The following PXN variants were observed in gnomAD, a reference collection of about 807,000 sequenced individuals.
PXN encodes testicular tissue protein Li 134.
PXN carries 61 observed loss-of-function variants against 103.6 expected under a neutral mutation model. The ratio of observed to expected loss-of-function variants is 0.59; its 90% CI spans 0.48 to 0.73. The LOEUF (loss-of-function observed/expected upper bound fraction) is 0.73. Ranked by LOEUF, PXN falls within the 30% of genes least tolerant of loss-of-function variation. PXN has a pLI of 0.00. For synonymous variants in PXN, 562 were observed against 607.8 expected (o/e 0.92, Z 1.11); for missense variants, 1,274 against 1,460.3 (o/e 0.87, Z 2.08).
Position 120,213,701 on chromosome 12 carries a change from G to A in PXN, c.2979+141C>T. 5 of 1,222,632 alleles carry A rather than the reference G, an allele frequency of 4.1e-6. No individual in the cohort carries two copies. In the South Asian group the frequency reaches 4.4e-5, roughly 11 times the overall value. The allele number at this position is 1,222,632 out of a possible 1,614,324, so 75.7% of individuals were successfully genotyped here. On this transcript the variant is annotated intron_variant, in intron 14 of 14. Coordinates refer to ENST00000637617, the MANE Select transcript of PXN (RefSeq NM_001385981.1). This position sits in a 1 kb window ranked among gnomAD's most constrained non-coding sequence, Gnocchi z 4.2. ...TGGCCCAGGACCTACTGGACTGGAGGAAGGAGATCCCCTGCCTGCTCCCCC... is the reference window on the plus strand; with the variant it reads ...TGGCCCAGGACCTACTGGACTGGAGAAAGGAGATCCCCTGCCTGCTCCCCC...
In PXN at chr12:120,258,849, C is replaced by G. The variant is rs145730906; in HGVS notation, c.13+6768G>C. Among the ~76,000 whole-genome samples the G allele has an allele frequency of 8.4e-3, 1,279 of 151,888 alleles. 18 individuals carry two copies. Among genetic ancestry groups the G allele is most frequent in the African/African-American group, 0.027 (1,109 of 41,390 alleles). ...CCGAGGTGGGTGGATCACCTGAGGT[C>G]GGGAGTTTGAGACCAGCCTGACCAG... On this transcript the variant is annotated intron_variant, in intron 1 of 14. Coordinates refer to ENST00000637617, the MANE Select transcript of PXN (RefSeq NM_001385981.1).
In PXN at chr12:120,217,011, G is replaced by A. The variant is rs771977317; in HGVS notation, c.1822C>T (p.Pro608Ser). 6.3e-7 allele frequency: 1 copy of A among 1,575,080 alleles called. No individual in the cohort carries two copies. The highest frequency in any genetic ancestry group is 8.6e-7 in the Non-Finnish European group (1 of 1,168,852). ...RLDPATLSRT[P>S]SQEQLIAELQ... ...TCCGCGATGAGCTGTTCCTGGGATG[G>A]GGTCCTGCTCAAGGTGGCAGGGTCC... The change falls in exon 8 of 15, where the codon CCA (proline) becomes TCA (serine). Residue 608 changes from proline to serine, a missense_variant. Coordinates refer to ENST00000637617, the MANE Select transcript of PXN (RefSeq NM_001385981.1). This position sits in a 1 kb window ranked among gnomAD's most constrained non-coding sequence, Gnocchi z 4.1.
chr12:120,248,919 C>T (rs956320185), intron 1 of PXN, among the ~76,000 whole-genome samples: 5 of 152,004 alleles, frequency 3.3e-5, no homozygotes, highest in Non-Finnish European at 7.4e-5. Flanking sequence ...GGTGGATCAC[C>T]TGAGGTCAGG....
At position 120,265,668 on chromosome 12, in the gene PXN, G is replaced by A; in HGVS notation, c.-39C>T. The A allele has an allele frequency of 1.4e-6, 2 of 1,452,986 alleles. No homozygotes were observed. Among genetic ancestry groups the A allele is most frequent in the African/African-American group, 1.5e-5 (1 of 67,756 alleles). 90.0% of individuals were successfully genotyped at this position (1,452,986 alleles called of 1,614,324 possible). ...GCGCCGGCTCAGGGTCGCGCTAGCT[G>A]CCCGTCCCGGGGCCGCTCGTCTATG... is the stretch of plus-strand genomic sequence containing the variant. On this transcript the variant is annotated 5_prime_UTR_variant, in exon 1 of 15. Transcript: ENST00000637617. The surrounding 1 kb of genome is among the most constrained non-coding windows in gnomAD (Gnocchi z 5.7).
At chr12:120,238,558 C>A (rs1427226150) in intron 1 of PXN, among the ~76,000 whole-genome samples, 1 of 152,216 alleles carries the variant, frequency 6.6e-6, no homozygotes, top group Admixed American at 6.5e-5. Flanking sequence ...CAAATCCAGC[C>A]CAGCAGAGCC....
At chr12:120,262,770 A>G (rs1184613587) in intron 1 of PXN, among the ~76,000 whole-genome samples, 3 of 152,194 alleles carry the variant, frequency 2.0e-5, no homozygotes, top group Admixed American at 6.5e-5. Flanking sequence ...AACTCTGTCC[A>G]GGAAACTCCG....
intron 1 of PXN, among the ~76,000 whole-genome samples, chr12:120,254,002 T>A (rs894843503): frequency 6.6e-6 from 1 of 152,146 alleles, no homozygotes; most frequent in African/African-American, 2.4e-5. Flanking sequence ...TGCCTCAGGC[T>A]CCCAAGTGGC....
chr12:120,255,949 CG>C (rs1469063277), intron 1 of PXN, among the ~76,000 whole-genome samples: 1 of 5,730 alleles, frequency 1.7e-4, no homozygotes, highest in African/African-American at 9.5e-4. Flanking sequence ...CTGCGGACTG[CG>C]GGGGGTTGGG....
rs1427255085 is a variant in PXN, at chr12:120,220,059, C to T, written c.864G>A (p.Pro288=). ...TSSSTVALSA[P]GLSSSAPSSY... ...AGGACGGAGCAGAGCTGGACAGCCC[C>T]GGGGCACTCAGAGCCACAGTGGAGG... is the stretch of plus-strand genomic sequence containing the variant. The change falls in exon 7 of 15, where the codon CCG becomes CCA. Residue 288 remains proline (P), a synonymous_variant. Coordinates refer to ENST00000637617, the MANE Select transcript of PXN (RefSeq NM_001385981.1). This position sits in a 1 kb window ranked among gnomAD's most constrained non-coding sequence, Gnocchi z 6.1. 7 of 1,416,196 alleles carry T rather than the reference C, an allele frequency of 4.9e-6. No homozygotes were observed. Among genetic ancestry groups the T allele is most frequent in the East Asian group, 2.3e-5 (1 of 43,374 alleles). The allele number at this position is 1,416,196 out of a possible 1,614,324, so 87.7% of individuals were successfully genotyped here. A position where few individuals can be genotyped will look rare whatever the true frequency, so the allele number is the denominator to read the frequency against.
rs1566359534 is a variant in PXN at position 120,215,580 on chromosome 12, C to CG, written c.2382dup (p.Gly795ArgfsTer40). 10 of 1,604,476 alleles carry CG rather than the reference C, an allele frequency of 6.2e-6. No individual in the cohort carries two copies. In the Admixed American group the frequency reaches 8.5e-5, roughly 14 times the overall value. On this transcript the variant is annotated frameshift_variant, in exon 10 of 15. Coordinates refer to ENST00000637617, the MANE Select transcript of PXN (RefSeq NM_001385981.1). LOFTEE classifies it high-confidence loss of function. This position sits in a 1 kb window ranked among gnomAD's most constrained non-coding sequence, Gnocchi z 4.9. Reference sequence around the variant, plus strand: ...CTGACCCCTCCCTCGTCCTGCCCTCCGGGGCTGCTCCGCCCGCCGTCCCGA... The same window carrying CG: ...CTGACCCCTCCCTCGTCCTGCCCTCCGGGGGCTGCTCCGCCCGCCGTCCCGA...
At chr12:120,263,817 G>A (rs1019126337) in intron 1 of PXN, among the ~76,000 whole-genome samples, 1 of 152,138 alleles carries the variant, frequency 6.6e-6, no homozygotes, top group Non-Finnish European at 1.5e-5. Flanking sequence ...ACTGTCAGAA[G>A]ACAGGAATTC....
Position 120,212,287 on chromosome 12 carries a change from A to C in PXN, c.*27T>G. ...CGCAGTTGGGGATGCTGGCTGGGGA[A>C]GGGGGGCAGAGACAGGGGCAGGGCA... is the stretch of plus-strand genomic sequence containing the variant. On this transcript the variant is annotated 3_prime_UTR_variant, in exon 15 of 15. Coordinates refer to ENST00000637617, the MANE Select transcript of PXN (RefSeq NM_001385981.1). The surrounding 1 kb of genome is among the most constrained non-coding windows in gnomAD (Gnocchi z 7.2). 5 of 1,601,204 alleles carry C rather than the reference A, an allele frequency of 3.1e-6. No individual in the cohort carries two copies. The highest frequency in any genetic ancestry group is 4.3e-6 in the Non-Finnish European group (5 of 1,173,034).
At chr12:120,262,512 C>T (rs776896872) in intron 1 of PXN, among the ~76,000 whole-genome samples, 15 of 152,182 alleles carry the variant, frequency 9.9e-5, no homozygotes, top group Non-Finnish European at 1.6e-4. Flanking sequence ...CCCAGCACTA[C>T]CACTAAACTT....
rs1880564658 is a variant in PXN, at chr12:120,212,604, A to G, written c.2980-24T>C. On this transcript the variant is annotated intron_variant, in intron 14 of 14. Coordinates refer to ENST00000637617, the MANE Select transcript of PXN (RefSeq NM_001385981.1). This position sits in a 1 kb window ranked among gnomAD's most constrained non-coding sequence, Gnocchi z 7.2. ...TCCTGCCAGGCGGAGAGAGGGGCTC[A>G]GGGAGCTGCCCCTCGGGCTAGAGCT... 1.9e-6 allele frequency: 3 copies of G among 1,604,016 alleles called. No individual in the cohort carries two copies. Among genetic ancestry groups the G allele is most frequent in the African/African-American group, 1.3e-5 (1 of 74,816 alleles).
chr12:120,257,314 A>G (rs553816413), intron 1 of PXN, among the ~76,000 whole-genome samples: 2 of 152,322 alleles, frequency 1.3e-5, no homozygotes, highest in South Asian at 4.1e-4. Flanking sequence ...CCAGCCAAGA[A>G]TTACATAAAG....
intron 7 of PXN, among the ~76,000 whole-genome samples, chr12:120,218,358 T>TTTG (rs753301411): frequency 3.3e-5 from 5 of 151,754 alleles, no homozygotes; most frequent in South Asian, 2.1e-4. Flanking sequence ...CATAAAGTTT[T>TTTG]TTGTTGTTGT....
intron 1 of PXN, among the ~76,000 whole-genome samples, chr12:120,241,610 G>A (rs1450782609): frequency 1.3e-5 from 2 of 152,220 alleles, no homozygotes; most frequent in East Asian, 1.9e-4. Flanking sequence ...TGTCATAAAC[G>A]AGGGGCAGAA....
At chr12:120,227,462 C>T (rs1887116552) in intron 1 of PXN, among the ~76,000 whole-genome samples, 1 of 152,244 alleles carries the variant, frequency 6.6e-6, no homozygotes, top group Non-Finnish European at 1.5e-5. Flanking sequence ...AATTGCACCA[C>T]TGCACTCTAG....
Position 120,215,292 on chromosome 12 carries a change from C to T in PXN, c.2404-19G>A. ...CCATGAACTGTGGACACGGAGGGGG[C>T]TGGTCAGGACTCCTGAGGCTCGGGG... On this transcript the variant is annotated intron_variant, in intron 10 of 14. Coordinates refer to ENST00000637617, the MANE Select transcript of PXN (RefSeq NM_001385981.1). The surrounding 1 kb of genome is among the most constrained non-coding windows in gnomAD (Gnocchi z 4.9). The T allele has an allele frequency of 6.4e-7, 1 of 1,571,754 alleles. No individual in the cohort carries two copies. The highest frequency in any genetic ancestry group is 8.6e-7 in the Non-Finnish European group (1 of 1,161,578).
Sources: allele counts gnomAD v4.1 joint callset (sites outside exome capture counted in the v4.1 genomes callset), GRCh38; gene constraint gnomAD v4.1.1; non-coding constraint Gnocchi (gnomAD v3.1); transcripts MANE v1.5; gene names NCBI Gene and HGNC (gene_info 2026-07-23, HGNC 2026-07-21).